Variants in CADM2 observed in about 807,000 individuals in gnomAD.
The protein encoded by CADM2 is cell adhesion molecule 2, also known as immunoglobulin superfamily member 4D.
Under a neutral mutation model 49.8 loss-of-function variants are expected in CADM2, and 12 were observed. That is an observed-to-expected ratio of 0.24 (90% CI 0.15 to 0.39). The LOEUF is 0.39. Ranked by LOEUF, CADM2 falls within the 10% of genes least tolerant of loss-of-function variation. CADM2 has a pLI of 1.00. For missense variants in CADM2, 378 were observed against 492.3 expected, an observed-to-expected ratio of 0.77 and a Z score of 2.20; for synonymous variants, 214 against 175.4, an observed-to-expected ratio of 1.22 and a Z score of -1.74.
chr3:85,961,466 T>C lies in CADM2; in HGVS notation c.792-3T>C, dbSNP rs1293923996. The C allele has an allele frequency of 1.3e-6, 2 of 1,573,878 alleles. No homozygotes were observed. The highest frequency in any genetic ancestry group is 1.7e-6 in the Non-Finnish European group (2 of 1,152,456). On this transcript the variant is annotated splice_polypyrimidine_tract_variant and splice_region_variant and intron_variant, in intron 7 of 9. Coordinates refer to ENST00000383699, the MANE Select transcript of CADM2 (RefSeq NM_001167675.2). ...TATCTACATGCATGTTTCAATCCAATAGGCCAGAACCTGTTTTGTGGACAA... is the reference window on the plus strand; with the variant it reads ...TATCTACATGCATGTTTCAATCCAACAGGCCAGAACCTGTTTTGTGGACAA...
At chr3:85,868,206 A>C (rs1015554406) in intron 3 of CADM2, among the ~76,000 whole-genome samples, 1 of 152,050 alleles carries the variant, frequency 6.6e-6, no homozygotes, top group African/African-American at 2.4e-5. Context: ...TAGATACCAT[A>C]TTGAACATTT....
At chr3:85,934,989 C>T (rs1474065351) in intron 6 of CADM2, among the ~76,000 whole-genome samples, 1 of 151,908 alleles carries the variant, frequency 6.6e-6, no homozygotes, top group Non-Finnish European at 1.5e-5. Flanking sequence ...AATATCGTCT[C>T]TTTTTTGAGC....
chr3:85,299,717 C>A (rs897691881), intron 1 of CADM2, among the ~76,000 whole-genome samples: 9 of 151,916 alleles, frequency 5.9e-5, no homozygotes, highest in African/African-American at 1.9e-4. Flanking sequence ...CCAAGCAATT[C>A]ACTGATTTTT....
intron 2 of CADM2, among the ~76,000 whole-genome samples, chr3:85,728,372 C>T (rs182103476): frequency 9.5e-4 from 144 of 152,138 alleles, no homozygotes; most frequent in Non-Finnish European, 1.7e-3. Context: ...TTTGCATCTA[C>T]AAGGCAAGCA....
chr3:85,067,171 T>C (rs1365803613), intron 1 of CADM2, among the ~76,000 whole-genome samples: 1 of 152,170 alleles, frequency 6.6e-6, no homozygotes, highest in Non-Finnish European at 1.5e-5. Context: ...TATCTCTGAA[T>C]GTTCATAATA....
At chr3:85,160,487 T>C (rs1197554180) in intron 1 of CADM2, among the ~76,000 whole-genome samples, 1 of 152,150 alleles carries the variant, frequency 6.6e-6, no homozygotes, top group African/African-American at 2.4e-5. Context: ...TTCATTCACA[T>C]CTACAGTAGG....
chr3:85,084,173 T>C (rs913366818), intron 1 of CADM2, among the ~76,000 whole-genome samples: 3 of 152,326 alleles, frequency 2.0e-5, no homozygotes, highest in East Asian at 1.9e-4. Context: ...TCAATGCTAA[T>C]AGCATGATCC....
chr3:85,132,353 AT>A (rs2107611567), intron 1 of CADM2, among the ~76,000 whole-genome samples: 1 of 152,266 alleles, frequency 6.6e-6, no homozygotes, highest in East Asian at 1.9e-4. Context: ...CAATGGAATG[AT>A]TTAATGAGAG....
At chr3:85,587,285 G>T (rs1463375581) in intron 1 of CADM2, among the ~76,000 whole-genome samples, 3 of 152,032 alleles carry the variant, frequency 2.0e-5, no homozygotes, top group Non-Finnish European at 4.4e-5. Flanking sequence ...CCCAAGTCAC[G>T]CATTATTTAT....
At chr3:85,586,976 A>G (rs2062962265) in intron 1 of CADM2, among the ~76,000 whole-genome samples, 1 of 152,196 alleles carries the variant, frequency 6.6e-6, no homozygotes, top group East Asian at 1.9e-4. Context: ...ATTCCAGTAC[A>G]TGGAAGGCCA....
intron 1 of CADM2, among the ~76,000 whole-genome samples, chr3:85,457,038 T>A (rs1318243171): frequency 1.3e-5 from 2 of 152,192 alleles, no homozygotes; most frequent in Non-Finnish European, 2.9e-5. Context: ...GATGCACTGC[T>A]GATAATCAGG....
intron 1 of CADM2, among the ~76,000 whole-genome samples, chr3:85,659,872 A>C (rs1004051149): frequency 1.3e-5 from 2 of 152,166 alleles, no homozygotes; most frequent in East Asian, 3.9e-4. Context: ...AAACTTGAGC[A>C]CAAGGTGTGC....
At chr3:85,019,422 G>T (rs1227601008) in intron 1 of CADM2, among the ~76,000 whole-genome samples, 1 of 152,156 alleles carries the variant, frequency 6.6e-6, no homozygotes, top group African/African-American at 2.4e-5. Context: ...GGTCGAGGCT[G>T]CAGTGAGCTG....
chr3:85,448,658 C>T (rs2037592563), intron 1 of CADM2, among the ~76,000 whole-genome samples: 1 of 151,998 alleles, frequency 6.6e-6, no homozygotes, highest in Non-Finnish European at 1.5e-5. Context: ...TAAGTTTAAA[C>T]AGGTCTGACT....
intron 1 of CADM2, among the ~76,000 whole-genome samples, chr3:85,548,596 T>C (rs1307922819): frequency 6.6e-6 from 1 of 152,118 alleles, no homozygotes. Flanking sequence ...GTCTGGAATG[T>C]GTAGGATGTA....
intron 6 of CADM2, among the ~76,000 whole-genome samples, chr3:85,918,737 G>T (rs954635342): frequency 6.6e-6 from 1 of 152,120 alleles, no homozygotes; most frequent in Non-Finnish European, 1.5e-5. Flanking sequence ...TAACAGGGAA[G>T]AGGAAACTTC....
intron 6 of CADM2, among the ~76,000 whole-genome samples, chr3:85,926,199 A>G (rs1214520001): frequency 6.6e-6 from 1 of 151,570 alleles, no homozygotes; most frequent in Non-Finnish European, 1.5e-5. Context: ...AATAAAGTAA[A>G]TGTAAATATT....
At chr3:86,037,954 T>G (rs1052468239) in intron 8 of CADM2, among the ~76,000 whole-genome samples, 1 of 152,084 alleles carries the variant, frequency 6.6e-6, no homozygotes, top group Non-Finnish European at 1.5e-5. Flanking sequence ...CCTGCATACA[T>G]TAGGTATTTG....
chr3:85,511,894 T>G, intron 1 of CADM2: 1 of 980,644 alleles, frequency 1.0e-6, no homozygotes, highest in Non-Finnish European at 1.2e-6. Flanking sequence ...TCAGACTGCA[T>G]CAAGGTAAAA....
Sources: gnomAD v4.1 joint callset for allele counts (sites outside exome capture counted in the v4.1 genomes callset) on GRCh38, gnomAD v4.1.1 for gene constraint, MANE v1.5 for transcripts, NCBI Gene and HGNC (gene_info 2026-07-23, HGNC 2026-07-21) for gene names.